Variants in LOC730098 observed in about 807,000 individuals in gnomAD.
At chr9:34,664,435 C>G in the LOC730098 span, 1 of 152,364 alleles carries the variant, frequency 6.6e-6, no homozygotes, top group South Asian at 2.1e-4. Flanking sequence ...CCCTGATTCT[C>G]ACCACTTGAG....
At chr9:34,665,544 CGCAGAACTCCACCCT>C in the LOC730098 span, 3 of 697,070 alleles carry the variant, frequency 4.3e-6, no homozygotes, top group Admixed American at 2.0e-5. Flanking sequence ...CCCTCGCCCC[CGCAGAACTCCACCCT>C]CCCCCACCCC....
the LOC730098 span, chr9:34,665,160 C>A: frequency 1.6e-6 from 1 of 629,802 alleles, no homozygotes; most frequent in Non-Finnish European, 2.9e-6. Flanking sequence ...CTCGCAGAGG[C>A]TCCAGCTTCT....
At chr9:34,665,049 A>G in the LOC730098 span, 1 of 598,938 alleles carries the variant, frequency 1.7e-6, no homozygotes, top group Non-Finnish European at 3.0e-6. Context: ...TCTTTAATGC[A>G]CTGGCTGGCT....
chr9:34,665,435 A>C, the LOC730098 span: 5 of 694,432 alleles, frequency 7.2e-6, no homozygotes, highest in African/African-American at 8.9e-5. Flanking sequence ...GACCCTACAG[A>C]CTCCGCCCCG....
the LOC730098 span, chr9:34,665,088 G>A: frequency 1.3e-5 from 8 of 599,964 alleles, no homozygotes; most frequent in African/African-American, 1.1e-4. Context: ...TGCGGCGGGG[G>A]AAGCCACGAC....
At chr9:34,665,218 G>A in the LOC730098 span, 1 of 672,280 alleles carries the variant, frequency 1.5e-6, no homozygotes, top group Non-Finnish European at 2.7e-6. Context: ...ACTGGCATGA[G>A]GCGGGGCGGG....
the LOC730098 span, chr9:34,665,120 C>G: frequency 4.9e-6 from 3 of 607,888 alleles, no homozygotes; most frequent in Non-Finnish European, 8.8e-6. Context: ...GGAGTAGGAC[C>G]CAGGCCGCTG....
chr9:34,665,327 G>A, the LOC730098 span: 1 of 554,952 alleles, frequency 1.8e-6, no homozygotes, highest in Non-Finnish European at 3.4e-6. Flanking sequence ...CGCTCCCTCC[G>A]CCACATGCGA....
At chr9:34,665,487 A>G in the LOC730098 span, 19 of 696,620 alleles carry the variant, frequency 2.7e-5, no homozygotes, top group Non-Finnish European at 4.7e-5. Flanking sequence ...CGCCTCTAAA[A>G]GCGGCTCCCT....
chr9:34,665,992 G>A, the LOC730098 span: 2 of 421,668 alleles, frequency 4.7e-6, no homozygotes, highest in Non-Finnish European at 8.6e-6. Context: ...AGGGGGGGCT[G>A]AGAGGGGTCA....
At chr9:34,665,154 C>A in the LOC730098 span, 1 of 623,316 alleles carries the variant, frequency 1.6e-6, no homozygotes, top group Non-Finnish European at 2.9e-6. Context: ...TCAGGCCTCG[C>A]AGAGGCTCCA....
the LOC730098 span, chr9:34,665,177 C>T: frequency 1.6e-6 from 1 of 639,006 alleles, no homozygotes; most frequent in South Asian, 1.7e-5. Context: ...TTCTGCTCCC[C>T]GGGGTGCGCC....
chr9:34,665,630 C>G, the LOC730098 span: 1 of 701,414 alleles, frequency 1.4e-6, no homozygotes, highest in Non-Finnish European at 2.6e-6. Context: ...CCGCCTCCAG[C>G]GCCACCTCGT....
At chr9:34,665,294 C>T in the LOC730098 span, 1 of 701,742 alleles carries the variant, frequency 1.4e-6, no homozygotes, top group Admixed American at 2.0e-5. Context: ...GGCGGGTCCG[C>T]GGTATCGCAG....
the LOC730098 span, chr9:34,664,957 C>T: frequency 1.8e-6 from 1 of 555,102 alleles, no homozygotes; most frequent in Non-Finnish European, 3.2e-6. Flanking sequence ...CGGAACAGAG[C>T]CCGTGTGGGG....
the LOC730098 span, chr9:34,665,376 G>A: frequency 3.4e-4 from 196 of 584,136 alleles, 1 homozygote; most frequent in Admixed American, 1.9e-4. Flanking sequence ...AGTAGATCCT[G>A]CAGAGAGAGG....
At chr9:34,666,036 C>T in the LOC730098 span, 4 of 320,766 alleles carry the variant, frequency 1.2e-5, no homozygotes, top group Non-Finnish European at 2.3e-5. Context: ...CCTGGCTCCA[C>T]CCCGGAAACG....
chr9:34,665,445 G>T, the LOC730098 span: 1 of 691,228 alleles, frequency 1.4e-6, no homozygotes, highest in Non-Finnish European at 2.6e-6. Flanking sequence ...ACTCCGCCCC[G>T]CGGTGCCTCG....
the LOC730098 span, chr9:34,665,236 G>A: frequency 4.4e-6 from 3 of 688,592 alleles, no homozygotes; most frequent in African/African-American, 1.8e-5. Context: ...GGGAGCTACC[G>A]GATTCCCCCC....
Sources: gnomAD v4.1 joint callset for allele counts on GRCh38, gnomAD v4.1.1 for gene constraint, MANE v1.5 for transcripts.